The following ZHX2 variants were observed in gnomAD, a reference collection of about 807,000 sequenced individuals.
ZHX2 encodes zinc fingers and homeoboxes 2, also known as zinc fingers and homeoboxes protein 2.
Under a neutral mutation model 21.9 loss-of-function variants are expected in ZHX2, and 6 were observed. The ratio of observed to expected loss-of-function variants is 0.27; its 90% CI spans 0.15 to 0.54. ZHX2 has a LOEUF of 0.54. ZHX2 is among the 20% of genes least tolerant of loss of function. The pLI is 0.95. For synonymous variants in ZHX2, 434 were observed against 437.1 expected, an observed-to-expected ratio of 0.99 and a Z score of 0.09; for missense variants, 908 against 1,090.7, an observed-to-expected ratio of 0.83 and a Z score of 2.36.
At chr8:122,838,922 T>C (rs1171817957) in intron 1 of ZHX2, among the ~76,000 whole-genome samples, 1 of 152,152 alleles carries the variant, frequency 6.6e-6, no homozygotes, top group African/African-American at 2.4e-5. Flanking sequence ...AATGCAGGAT[T>C]CATACTGTAT....
chr8:122,870,095 G>A (rs1819394639), intron 2 of ZHX2, among the ~76,000 whole-genome samples: 1 of 152,164 alleles, frequency 6.6e-6, no homozygotes, highest in Non-Finnish European at 1.5e-5. Flanking sequence ...GGGGAAACCT[G>A]GGCAGAGGTG....
At chr8:122,933,119 C>T (rs775475775) in intron 2 of ZHX2, among the ~76,000 whole-genome samples, 12 of 152,136 alleles carry the variant, frequency 7.9e-5, no homozygotes, top group Non-Finnish European at 1.2e-4. Flanking sequence ...ATCTGACAGA[C>T]AGAATCTAAG....
chr8:122,950,912 C>T (rs1426215355), intron 2 of ZHX2, among the ~76,000 whole-genome samples: 1 of 151,976 alleles, frequency 6.6e-6, no homozygotes, highest in Non-Finnish European at 1.5e-5. Flanking sequence ...ATTTCACTTG[C>T]CAACCCCTGG....
At chr8:122,902,390 G>A (rs983765815) in intron 2 of ZHX2, among the ~76,000 whole-genome samples, 3 of 152,220 alleles carry the variant, frequency 2.0e-5, no homozygotes, top group African/African-American at 7.2e-5. Context: ...AAAAACAGCT[G>A]TGTGACTTTG....
chr8:122,924,222 G>A (rs1409286876), intron 2 of ZHX2, among the ~76,000 whole-genome samples: 1 of 152,114 alleles, frequency 6.6e-6, no homozygotes, highest in East Asian at 1.9e-4. Context: ...AAGCCTCTAG[G>A]GGAAGATCTG....
chr8:122,914,142 G>C (rs1268578258), intron 2 of ZHX2, among the ~76,000 whole-genome samples: 2 of 152,194 alleles, frequency 1.3e-5, no homozygotes, highest in African/African-American at 2.4e-5. Context: ...ACAGTCCTTG[G>C]CACTGGGGAG....
chr8:122,812,833 C>T (rs1418391685), intron 1 of ZHX2, among the ~76,000 whole-genome samples: 4 of 152,166 alleles, frequency 2.6e-5, no homozygotes, highest in Admixed American at 2.0e-4. Flanking sequence ...TGATTGCTTC[C>T]CATGTGCCTG....
intron 2 of ZHX2, among the ~76,000 whole-genome samples, chr8:122,945,436 C>CA (rs60890533): frequency 0.11 from 7,780 of 73,296 alleles, 1,887 homozygotes; most frequent in East Asian, 0.15. Context: ...CCTGTCTCTG[C>CA]AAAAAAAAAA....
At chr8:122,814,687 A>G (rs533619781) in intron 1 of ZHX2, among the ~76,000 whole-genome samples, 29 of 152,306 alleles carry the variant, frequency 1.9e-4, no homozygotes, top group African/African-American at 7.0e-4. Context: ...CTAGCTCATG[A>G]AAGGAGGTAT....
intron 1 of ZHX2, among the ~76,000 whole-genome samples, chr8:122,818,897 CAG>C (rs577738366): frequency 9.5e-4 from 144 of 152,268 alleles, no homozygotes; most frequent in African/African-American, 3.3e-3. Context: ...CAGGGGTATG[CAG>C]AGGCCATGGA....
At chr8:122,836,327 G>A (rs1020564746) in intron 1 of ZHX2, among the ~76,000 whole-genome samples, 2 of 152,178 alleles carry the variant, frequency 1.3e-5, no homozygotes, top group Non-Finnish European at 2.9e-5. Flanking sequence ...TGACCGATGT[G>A]CATGCACAGA....
intron 1 of ZHX2, among the ~76,000 whole-genome samples, chr8:122,842,455 C>T (rs561174215): frequency 3.3e-5 from 5 of 152,282 alleles, no homozygotes; most frequent in East Asian, 1.9e-4. Context: ...CCTGTAATCC[C>T]AGCACTTTGG....
At chr8:122,869,088 T>G (rs1242889052) in intron 2 of ZHX2, among the ~76,000 whole-genome samples, 1 of 152,174 alleles carries the variant, frequency 6.6e-6, no homozygotes, top group Non-Finnish European at 1.5e-5. Context: ...TGAGCTGGGC[T>G]GCACAACCCT....
chr8:122,870,496 G>A (rs990838122), intron 2 of ZHX2, among the ~76,000 whole-genome samples: 4 of 151,686 alleles, frequency 2.6e-5, no homozygotes, highest in African/African-American at 9.7e-5. Flanking sequence ...AAAAATAGCT[G>A]GGCGTAGTGA....
At chr8:122,954,425 A>C (rs1031940345) in intron 3 of ZHX2, among the ~76,000 whole-genome samples, 1 of 152,122 alleles carries the variant, frequency 6.6e-6, no homozygotes, top group African/African-American at 2.4e-5. Flanking sequence ...CTCCCCCCTC[A>C]GCTTATCAAG....
intron 1 of ZHX2, among the ~76,000 whole-genome samples, chr8:122,860,461 T>C (rs527738302): frequency 6.6e-6 from 1 of 152,320 alleles, no homozygotes; most frequent in African/African-American, 2.4e-5. Context: ...TGGGAGACAA[T>C]AAGATTGCAG....
chr8:122,905,869 A>G (rs1307065558), intron 2 of ZHX2, among the ~76,000 whole-genome samples: 2 of 152,246 alleles, frequency 1.3e-5, no homozygotes, highest in African/African-American at 4.8e-5. Context: ...GCACTAACCT[A>G]ATAGAATAAA....
intron 2 of ZHX2, among the ~76,000 whole-genome samples, chr8:122,910,681 C>A (rs907676891): frequency 2.0e-5 from 3 of 152,058 alleles, no homozygotes; most frequent in African/African-American, 4.8e-5. Context: ...CCAACCCTCA[C>A]CCTGGAGGCT....
chr8:122,816,079 CA>C (rs71310626), intron 1 of ZHX2, among the ~76,000 whole-genome samples: 187 of 90,258 alleles, frequency 2.1e-3, no homozygotes, highest in East Asian at 0.02. Context: ...GACTCCGTCT[CA>C]AAAAAAAAAA....
Sources: allele counts gnomAD v4.1 joint callset (sites outside exome capture counted in the v4.1 genomes callset), GRCh38; gene constraint gnomAD v4.1.1; transcripts MANE v1.5; gene names NCBI Gene and HGNC (gene_info 2026-07-23, HGNC 2026-07-21).